C14orf39: variants seen among roughly 807,000 people sequenced by gnomAD.
The protein encoded by C14orf39 is chromosome 14 open reading frame 39.
C14orf39 carries 66 observed loss-of-function variants against 85.6 expected under a neutral mutation model. The ratio of observed to expected loss-of-function variants is 0.77; its 90% confidence interval spans 0.63 to 0.95. The LOEUF (loss-of-function observed/expected upper bound fraction) is 0.95. C14orf39 is among the 40% of genes least tolerant of loss of function. The pLI is 0.00. For missense variants in C14orf39, 735 were observed against 663.9 expected (o/e 1.11, Z -1.18); for synonymous variants, 242 against 214.0 (o/e 1.13, Z -1.14).
chr14:60,459,531 G>A (rs1028819963), intron 13 of C14orf39, among the ~76,000 whole-genome samples: 1 of 151,548 alleles, frequency 6.6e-6, no homozygotes, highest in Non-Finnish European at 1.5e-5. Context: ...ATTATCACCA[G>A]ACAAAATGAT....
intron 5 of C14orf39, among the ~76,000 whole-genome samples, chr14:60,473,396 C>T (rs1470993281): frequency 1.3e-5 from 2 of 152,148 alleles, no homozygotes; most frequent in Non-Finnish European, 2.9e-5. Flanking sequence ...TGTGCAGAAG[C>T]TCTTTACTTT....
intron 1 of C14orf39, among the ~76,000 whole-genome samples, chr14:60,510,523 G>A (rs890841506): frequency 1.3e-5 from 2 of 152,204 alleles, no homozygotes; most frequent in African/African-American, 4.8e-5. Context: ...TCCGTGGGCC[G>A]AGGCTTTTCG....
At chr14:60,473,527 T>C (rs1051723701) in intron 5 of C14orf39, among the ~76,000 whole-genome samples, 2 of 152,194 alleles carry the variant, frequency 1.3e-5, no homozygotes, top group African/African-American at 2.4e-5. Flanking sequence ...TAGGGTTTCA[T>C]GGTTTTAGGT....
intron 13 of C14orf39, among the ~76,000 whole-genome samples, chr14:60,460,783 T>C (rs929263872): frequency 1.3e-5 from 2 of 151,750 alleles, no homozygotes; most frequent in Non-Finnish European, 3.0e-5. Context: ...TTCATATATA[T>C]ATCCTGTGAT....
At chr14:60,471,829 G>A (rs1011999421) in intron 5 of C14orf39, 90 bp from the exon 6 acceptor site, 6 of 730,166 alleles carry the variant, frequency 8.2e-6, no homozygotes, top group African/African-American at 1.8e-5. Flanking sequence ...AAACATAAAA[G>A]GCAAATCAAA....
intron 5 of C14orf39, among the ~76,000 whole-genome samples, chr14:60,478,051 C>T (rs558693698): frequency 4.6e-5 from 7 of 151,612 alleles, no homozygotes; most frequent in African/African-American, 7.3e-5. Flanking sequence ...CGGTGGCGGG[C>T]GCCTGTAGTC....
chr14:60,454,421 C>A (rs2140065073), intron 16 of C14orf39, among the ~76,000 whole-genome samples: 1 of 151,828 alleles, frequency 6.6e-6, no homozygotes, highest in East Asian at 1.9e-4. Flanking sequence ...AGCCACTTAC[C>A]CAAAATCCCA....
intron 11 of C14orf39, among the ~76,000 whole-genome samples, chr14:60,463,561 A>C (rs1405235955): frequency 1.3e-5 from 2 of 152,154 alleles, no homozygotes; most frequent in Non-Finnish European, 2.9e-5. Context: ...AAAAACCACT[A>C]AATCTACACT....
chr14:60,492,141 T>A (rs957068191), intron 2 of C14orf39, among the ~76,000 whole-genome samples: 145 of 111,202 alleles, frequency 1.3e-3, no homozygotes, highest in Non-Finnish European at 2.0e-3. Flanking sequence ...TTAAAAAAAA[T>A]TTTTTTATCC....
At chr14:60,513,838 A>C (rs146928486) in intron 1 of C14orf39, among the ~76,000 whole-genome samples, 201 of 152,384 alleles carry the variant, frequency 1.3e-3, no homozygotes, top group African/African-American at 4.7e-3. Flanking sequence ...TTGGACAAAA[A>C]GAGAAGACCA....
chr14:60,454,850 A>G (rs2140066432), intron 16 of C14orf39, 151 bp downstream of exon 16: 1 of 507,876 alleles, frequency 2.0e-6, no homozygotes, highest in Non-Finnish European at 3.3e-6. Flanking sequence ...AAAAGGTAAT[A>G]GGGAACTTTG....
chr14:60,467,122 A>G (rs1891831761), intron 9 of C14orf39, 78 bp from the exon 10 acceptor site: 2 of 652,556 alleles, frequency 3.1e-6, no homozygotes, highest in Non-Finnish European at 4.3e-6. Context: ...GCATATTTAG[A>G]TACTATATAA....
rs1890253176 is a variant in C14orf39 at position 60,436,446 on chromosome 14, G to C, written c.*399C>G. ...TTAATAGAAATTTTTAGTAGCTAAA[G>C]TACGCTTCAGCACTAACTCTGGAGT... On this transcript the variant is annotated 3_prime_UTR_variant, in exon 18 of 18. Coordinates refer to ENST00000321731, the MANE Select transcript of C14orf39 (RefSeq NM_174978.3). 6.4e-6 allele frequency: 1 copy of C among 156,368 alleles called. No individual in the cohort carries two copies. The highest frequency in any genetic ancestry group is 2.0e-4 in the South Asian group (1 of 5,040). The allele number at this position is 156,368 out of a possible 1,614,324, so 9.7% of individuals were successfully genotyped here. A position where few individuals can be genotyped will look rare whatever the true frequency, so the allele number is the denominator to read the frequency against.
chr14:60,502,160 C>T (rs1463966122), intron 1 of C14orf39, among the ~76,000 whole-genome samples: 1 of 152,126 alleles, frequency 6.6e-6, no homozygotes, highest in African/African-American at 2.4e-5. Flanking sequence ...TCTATGAAAA[C>T]CACTCCCCAT....
chr14:60,472,794 C>A (rs1892163683), intron 5 of C14orf39, among the ~76,000 whole-genome samples: 1 of 152,124 alleles, frequency 6.6e-6, no homozygotes, highest in African/African-American at 2.4e-5. Context: ...TTTCTTAATC[C>A]AGTCTACCAT....
In C14orf39 at chr14:60,456,545, T is replaced by A. The variant is rs139041712; in HGVS notation, c.1358+372A>T. ...AGCTGGGACTACAGGCACATGCCAC[T>A]ATGCTAGGCTTAGCTTGACATTTTA... On this transcript the variant is annotated intron_variant, in intron 15 of 17. Coordinates refer to ENST00000321731, the MANE Select transcript of C14orf39 (RefSeq NM_174978.3). 1.1e-3 allele frequency among the ~76,000 whole-genome samples: 164 copies of A among 151,916 alleles called. 1 individual carries two copies. The highest frequency in any genetic ancestry group is 3.9e-3 in the African/African-American group (162 of 41,456).
In C14orf39 at chr14:60,457,001, G is replaced by T; in HGVS notation, c.1274C>A (p.Pro425His). 1.2e-6 allele frequency: 2 copies of T among 1,610,516 alleles called. No individual in the cohort carries two copies. The highest frequency in any genetic ancestry group is 1.7e-6 in the Non-Finnish European group (2 of 1,178,192). The change falls in exon 15 of 18, where the codon CCT becomes CAT. Residue 425 changes from proline to histidine, a missense_variant. Pro to His is a moderately conservative substitution (Grantham distance 77). Coordinates refer to ENST00000321731, the MANE Select transcript of C14orf39 (RefSeq NM_174978.3). ...AENFPRTSEI[P>H]IFLGTPKAVK... Reference sequence around the variant, plus strand: ...AGCTTTGGGAGTTCCTAAAAATATAGGAATTTCAGACGTTCGTGGAAAATT... The same window carrying T: ...AGCTTTGGGAGTTCCTAAAAATATATGAATTTCAGACGTTCGTGGAAAATT...
chr14:60,457,985 T>A (rs1358937439), intron 14 of C14orf39, among the ~76,000 whole-genome samples: 3 of 151,972 alleles, frequency 2.0e-5, no homozygotes, highest in Non-Finnish European at 4.4e-5. Flanking sequence ...TTTTAATTTT[T>A]AAAAAAATTT....
At chr14:60,470,527 T>C (rs920610282) in intron 7 of C14orf39, among the ~76,000 whole-genome samples, 5 of 151,898 alleles carry the variant, frequency 3.3e-5, no homozygotes, top group East Asian at 3.9e-4. Context: ...CATTCACCTC[T>C]TCCTGTTTGT....
Sources: allele counts gnomAD v4.1 joint callset (sites outside exome capture counted in the v4.1 genomes callset), GRCh38; gene constraint gnomAD v4.1.1; transcripts MANE v1.5; gene names NCBI Gene and HGNC (gene_info 2026-07-23, HGNC 2026-07-21).